NXF1: variants seen among roughly 807,000 people sequenced by gnomAD.
NXF1 encodes the protein nuclear RNA export factor 1.
In NXF1, 43 loss-of-function variants were observed where a neutral mutation model predicts 92.4. That is an observed-to-expected ratio of 0.47 (90% confidence interval 0.36 to 0.60). NXF1 has a LOEUF of 0.60. Among genes scored for constraint, NXF1 ranks in the 20% least tolerant of loss-of-function variants. The pLI is 0.00. For synonymous variants in NXF1, 288 were observed against 292.2 expected, an observed-to-expected ratio of 0.99 and a Z score of 0.15; for missense variants, 576 against 793.0, an observed-to-expected ratio of 0.73 and a Z score of 3.29.
chr11:62,794,337 G>A lies in NXF1; in HGVS notation c.1681C>T (p.Pro561Ser), dbSNP rs546919784. The A allele has an allele frequency of 3.1e-6, 5 of 1,614,184 alleles. No individual in the cohort carries two copies. The South Asian group carries it at 4.4e-5, about 14-fold the overall frequency. Residue 561 changes from proline to serine, a missense_variant, in exon 19 of 21, where the codon CCC becomes TCC. Coordinates refer to ENST00000294172, the MANE Select transcript of NXF1 (RefSeq NM_006362.5). ...PAPTPSSSPV[P>S]TLSPEQQEML... ...TCCTGCTGCTCTGGAGAGAGGGTGG[G>A]CACCGGGCTGGAGGAAGGCGTGGGT... is the stretch of plus-strand genomic sequence containing the variant.
At chr11:62,795,273 C>T (rs1272984440) in intron 17 of NXF1, 3 of 361,942 alleles carry the variant, frequency 8.3e-6, no homozygotes, top group Non-Finnish European at 1.0e-5. Flanking sequence ...GTCAAGAGAT[C>T]GAGACCATCC....
chr11:62,802,346 A>G (rs2084488558), intron 3 of NXF1, 86 bp from the exon 4 acceptor site: 1 of 1,104,440 alleles, frequency 9.1e-7, no homozygotes, highest in East Asian at 2.5e-5. Context: ...ACCTTCTACC[A>G]AACTTTTAAA....
chr11:62,803,150 C>T (rs192364184), intron 3 of NXF1, among the ~76,000 whole-genome samples: 5 of 152,098 alleles, frequency 3.3e-5, no homozygotes, highest in African/African-American at 1.2e-4. Context: ...GAAACCCCGT[C>T]TCTACTAAAA....
chr11:62,797,225 C>G lies in NXF1; in HGVS notation c.1136G>C (p.Gly379Ala). 2 of 1,614,178 alleles carry G rather than the reference C, an allele frequency of 1.2e-6. No individual in the cohort carries two copies. The highest frequency in any genetic ancestry group is 1.7e-6 in the Non-Finnish European group (2 of 1,180,030). ...GACCAGACTCTTCAAGTTTTCTGTTCCAAAATAGCTTCCCTGAAATCAAAC... is the reference window on the plus strand; with the variant it reads ...GACCAGACTCTTCAAGTTTTCTGTTGCAAAATAGCTTCCCTGAAATCAAAC... ...TLPPCKGSYF[G>A]TENLKSLVLH... The change falls in exon 13 of 21, where the codon GGA (glycine) becomes GCA (alanine). Residue 379 changes from glycine to alanine, a missense_variant. Gly to Ala is a moderately conservative substitution (Grantham distance 60, BLOSUM62 0). Coordinates refer to ENST00000294172, the MANE Select transcript of NXF1 (RefSeq NM_006362.5).
At position 62,802,378 on chromosome 11, in the gene NXF1, G is replaced by A; in HGVS notation, c.370-118C>T. The A allele has an allele frequency of 9.4e-6, 7 of 742,078 alleles. No individual in the cohort carries two copies. In the South Asian group the frequency reaches 1.1e-4, roughly 11 times the overall value. The allele number at this position is 742,078 out of a possible 1,614,324, so 46.0% of individuals were successfully genotyped here. On this transcript the variant is annotated intron_variant, in intron 3 of 20. Coordinates refer to ENST00000294172, the MANE Select transcript of NXF1 (RefSeq NM_006362.5). ...TAAAGACTATCTAAAGAAAGGACCA[G>A]TACTAGGTTTTCTACTTGAGATACA... is the stretch of plus-strand genomic sequence containing the variant.
chr11:62,805,069 A>C, intron 1 of NXF1: 1 of 356,702 alleles, frequency 2.8e-6, no homozygotes, highest in Non-Finnish European at 5.0e-6. Context: ...GGCATCAACC[A>C]CCCACAAAGT....
rs747195580 is a variant in NXF1 at position 62,800,426 on chromosome 11, C to T, written c.967G>A (p.Asp323Asn). 23 of 1,613,992 alleles carry T rather than the reference C, an allele frequency of 1.4e-5. No homozygotes were observed. The highest frequency in any genetic ancestry group is 3.3e-5 in the Admixed American group (2 of 60,000). ...AAGGTGTCACACAGGGAGTTTCCAT[C>T]GAGCCAGAGCTCTTCTAGCTTCAGC... ...KGLKLEELWL[D>N]GNSLCDTFRD... Residue 323 changes from aspartate (D) to asparagine (N), a missense_variant, in exon 10 of 21, where the codon GAT becomes AAT. Physicochemically the swap from Asp to Asn is conservative, Grantham distance 23. Transcript: ENST00000294172.
chr11:62,794,535 C>A, intron 18 of NXF1, 95 bp from the exon 19 acceptor site: 1 of 1,069,872 alleles, frequency 9.3e-7, no homozygotes, highest in South Asian at 1.5e-5. Context: ...TCCACAAGGT[C>A]CCCCTCCCAC....
intron 19 of NXF1, 22 bp downstream of exon 19, chr11:62,794,236 C>A: frequency 6.2e-7 from 1 of 1,602,476 alleles, no homozygotes; most frequent in Non-Finnish European, 8.5e-7. Flanking sequence ...GCATCCCCAT[C>A]CTACACATGC....
In NXF1 at chr11:62,794,249, C is replaced by T. The variant is rs765289275; in HGVS notation, c.1760+9G>A. On this transcript the variant is annotated intron_variant, in intron 19 of 20. Coordinates refer to ENST00000294172, the MANE Select transcript of NXF1 (RefSeq NM_006362.5). ...GTGCATCCCCATCCTACACATGCCC[C>T]GCACTCACTTCTGGGACCACTCGAG... 1.4e-5 allele frequency: 22 copies of T among 1,608,842 alleles called. No homozygotes were observed. The highest frequency in any genetic ancestry group is 6.7e-5 in the East Asian group (3 of 44,762).
chr11:62,803,711 G>T, intron 2 of NXF1, 81 bp downstream of exon 2: 1 of 1,550,518 alleles, frequency 6.4e-7, no homozygotes, highest in Non-Finnish European at 8.8e-7. Context: ...TAACAGGTGG[G>T]AAAGGAAATG....
intron 7 of NXF1, 40 bp from the exon 8 acceptor site, chr11:62,801,457 G>C: frequency 6.2e-7 from 1 of 1,609,780 alleles, no homozygotes; most frequent in Non-Finnish European, 8.5e-7. Flanking sequence ...AGACTGAGAG[G>C]GTTTGCCCAT....
At position 62,801,477 on chromosome 11, in the gene NXF1, A is replaced by C. The variant is rs1289357612; in HGVS notation, c.710-60T>G. ...GAGAGGGTTTGCCCATGCCAGCATT[A>C]GCAGTAAAACATCCTCAAACTTTCC... On this transcript the variant is annotated intron_variant, in intron 7 of 20. Coordinates refer to ENST00000294172, the MANE Select transcript of NXF1 (RefSeq NM_006362.5). The C allele has an allele frequency of 1.2e-5, 19 of 1,605,786 alleles. No homozygotes were observed. The East Asian group carries it at 3.8e-4, about 32-fold the overall frequency.
Position 62,801,397 on chromosome 11 carries a change from CA to C in NXF1, c.729del (p.Ile243MetfsTer5), listed in dbSNP as rs2084477165. 1 of 1,614,002 alleles carries C rather than the reference CA, an allele frequency of 6.2e-7. No homozygotes were observed. The highest frequency in any genetic ancestry group is 8.5e-7 in the Non-Finnish European group (1 of 1,180,016). The stretch of plus-strand genomic sequence containing the variant: ...CAGCTTCTGCGATTCAGGACAACGT[CA>C]ATGTTCTGGGCCACCAAATCTTCAG... ...RSDPDLVAQN[I>X]DVVLNRRSCM... is the part of the protein sequence containing the mutation. On this transcript the variant is annotated frameshift_variant, in exon 8 of 21. Transcript: ENST00000294172. LOFTEE classifies it high-confidence loss of function.
chr11:62,793,284 G>A lies in NXF1; in HGVS notation c.1761-583C>T, dbSNP rs564818648. Among the ~76,000 whole-genome samples, 3 of 152,274 alleles carry A rather than the reference G, an allele frequency of 2.0e-5. No individual in the cohort carries two copies. The South Asian group carries it at 6.2e-4, about 32-fold the overall frequency. ...AGTAGAGACGAGATTTCACCATGTT[G>A]TCCAGGATGGTCTTGATCTCTTGAC... On this transcript the variant is annotated intron_variant, in intron 19 of 20. Transcript: ENST00000294172.
At chr11:62,798,445 A>G (rs569454618) in intron 11 of NXF1, 94 bp downstream of exon 11, 42 of 1,539,756 alleles carry the variant, frequency 2.7e-5, no homozygotes, top group Admixed American at 2.3e-4. Flanking sequence ...ATAAAAAAAA[A>G]AAAAAGAAAA....
At chr11:62,805,123 G>T in intron 1 of NXF1, 1 of 410,432 alleles carries the variant, frequency 2.4e-6, no homozygotes, top group Non-Finnish European at 4.3e-6. Context: ...TCCGCTCCGA[G>T]CCGCAGGTCC....
intron 4 of NXF1, 61 bp from the exon 5 acceptor site, chr11:62,802,107 G>C: frequency 6.2e-7 from 1 of 1,605,792 alleles, no homozygotes; most frequent in Non-Finnish European, 8.5e-7. Flanking sequence ...GGGGCATTAC[G>C]CTGGGAGTCC....
chr11:62,800,138 AAG>A, intron 10 of NXF1: 1 of 1,369,864 alleles, frequency 7.3e-7, no homozygotes, highest in Non-Finnish European at 9.4e-7. Flanking sequence ...TTCAGGAAGA[AAG>A]AGAAAGGCCA....
Sources: allele counts gnomAD v4.1 joint callset (sites outside exome capture counted in the v4.1 genomes callset), GRCh38; gene constraint gnomAD v4.1.1; transcripts MANE v1.5; gene names NCBI Gene and HGNC (gene_info 2026-07-23, HGNC 2026-07-21).